The following TMEM127 variants were observed in gnomAD, a reference collection of about 807,000 sequenced individuals.
The protein encoded by TMEM127 is transmembrane protein 127.
TMEM127 carries 21 observed loss-of-function variants against 20.1 expected under a neutral mutation model. The ratio of observed to expected loss-of-function variants is 1.04; its 90% confidence interval spans 0.74 to 1.50. The LOEUF (loss-of-function observed/expected upper bound fraction) is 1.50, where lower values mean the gene tolerates loss of function less well. TMEM127 is among the 40% of genes most tolerant of loss of function. The pLI is 0.00. For synonymous variants in TMEM127, 150 were observed against 144.7 expected, an observed-to-expected ratio of 1.04 and a Z score of -0.26; for missense variants, 303 against 317.4, an observed-to-expected ratio of 0.95 and a Z score of 0.34.
Position 96,250,665 on chromosome 2 carries a change from T to C in TMEM127, c.*3143A>G, listed in dbSNP as rs977434820. On this transcript the variant is annotated 3_prime_UTR_variant, in exon 4 of 4. Transcript: ENST00000258439. ...AGAGCCCTCAGCTCTTTTACCGTGATGCACACTCGGGGCTGGGTGTAGGCT... is the reference window on the plus strand; with the variant it reads ...AGAGCCCTCAGCTCTTTTACCGTGACGCACACTCGGGGCTGGGTGTAGGCT... 1 of 233,102 alleles carries C rather than the reference T, an allele frequency of 4.3e-6. No individual in the cohort carries two copies. Among genetic ancestry groups the C allele is most frequent in the Middle Eastern group, 1.3e-3 (1 of 786 alleles). 14.4% of individuals were successfully genotyped at this position (233,102 alleles called of 1,614,324 possible). A position where few individuals can be genotyped will look rare whatever the true frequency, so the allele number is the denominator to read the frequency against.
intron 2 of TMEM127, among the ~76,000 whole-genome samples, chr2:96,258,367 C>G (rs1684251459): frequency 6.6e-6 from 1 of 152,216 alleles, no homozygotes; most frequent in Non-Finnish European, 1.5e-5. Flanking sequence ...CTCAGCCCAA[C>G]AGATGCCAGC....
At chr2:96,254,244 C>CA (rs1020288109) in intron 3 of TMEM127, 129 bp from the exon 4 acceptor site, 25 of 1,217,390 alleles carry the variant, frequency 2.1e-5, no homozygotes, top group Admixed American at 2.0e-5. Context: ...CCAGACTCTG[C>CA]AAGGAGGAGC....
At position 96,265,518 on chromosome 2, in the gene TMEM127, A is replaced by G. The variant is rs1684403091; in HGVS notation, c.-131-6T>C. 7 of 1,165,996 alleles carry G rather than the reference A, an allele frequency of 6.0e-6. 1 individual carries two copies. Among genetic ancestry groups the G allele is most frequent in the South Asian group, 6.6e-5 (2 of 30,346 alleles). 72.2% of individuals were successfully genotyped at this position (1,165,996 alleles called of 1,614,324 possible). ...CAGGTGAAGCCGGGACTGGGCTGTCAGGGTTGACACCAGAGGATAGGGGGG... is the reference window on the plus strand; with the variant it reads ...CAGGTGAAGCCGGGACTGGGCTGTCGGGGTTGACACCAGAGGATAGGGGGG... On this transcript the variant is annotated splice_polypyrimidine_tract_variant and splice_region_variant and intron_variant, in intron 1 of 3. Coordinates refer to ENST00000258439, the MANE Select transcript of TMEM127 (RefSeq NM_017849.4).
chr2:96,262,263 A>G (rs201251352), intron 2 of TMEM127, among the ~76,000 whole-genome samples: 9 of 71,850 alleles, frequency 1.3e-4, no homozygotes, highest in Non-Finnish European at 2.2e-4. Context: ...TGTCTCATTT[A>G]AAAAAAAAAA....
chr2:96,255,481 T>G (rs772078515), intron 2 of TMEM127, among the ~76,000 whole-genome samples: 9 of 152,328 alleles, frequency 5.9e-5, no homozygotes, highest in African/African-American at 1.9e-4. Context: ...GAAGATACTA[T>G]GCTAAGTGAA....
intron 2 of TMEM127, among the ~76,000 whole-genome samples, chr2:96,263,780 G>A (rs1255601825): frequency 3.9e-5 from 6 of 152,020 alleles, no homozygotes; most frequent in Non-Finnish European, 5.9e-5. Flanking sequence ...GCTAGATTTC[G>A]GAGATCTAGC....
At chr2:96,255,078 C>T in intron 2 of TMEM127, 81 bp from the exon 3 acceptor site, 3 of 1,571,232 alleles carry the variant, frequency 1.9e-6, no homozygotes, top group Non-Finnish European at 2.6e-6. Flanking sequence ...GTTTGATTCC[C>T]CTCCACCACA....
At chr2:96,259,645 A>G (rs1307088966) in intron 2 of TMEM127, among the ~76,000 whole-genome samples, 2 of 152,244 alleles carry the variant, frequency 1.3e-5, no homozygotes, top group East Asian at 3.8e-4. Context: ...AGCCTGCTCT[A>G]GGAAGTGGTC....
In TMEM127 at chr2:96,253,692, A is replaced by G; in HGVS notation, c.*116T>C. On this transcript the variant is annotated 3_prime_UTR_variant, in exon 4 of 4. Transcript: ENST00000258439. The surrounding 1 kb of genome is among the most constrained non-coding windows in gnomAD (Gnocchi z 4.3). ...AGAGTCTCTCCTGGGGAAGGTTTGG[A>G]GAAGATGGTCAGGATCCTACCAGTG... 1 of 1,177,906 alleles carries G rather than the reference A, an allele frequency of 8.5e-7. No individual in the cohort carries two copies. The highest frequency in any genetic ancestry group is 1.2e-6 in the Non-Finnish European group (1 of 846,652). The allele number at this position is 1,177,906 out of a possible 1,614,324, so 73.0% of individuals were successfully genotyped here.
chr2:96,265,534 G>A (rs1368012677), intron 1 of TMEM127, 22 bp from the exon 2 acceptor site: 9 of 1,053,214 alleles, frequency 8.5e-6, no homozygotes, highest in Non-Finnish European at 1.1e-5. Context: ...GACACCAGAG[G>A]ATAGGGGGGT....
intron 2 of TMEM127, among the ~76,000 whole-genome samples, chr2:96,262,894 A>T (rs566564772): frequency 2.0e-4 from 31 of 152,174 alleles, no homozygotes; most frequent in Non-Finnish European, 4.1e-4. Flanking sequence ...GGCCAGGCTG[A>T]TCTTGAACTC....
At position 96,254,975 on chromosome 2, in the gene TMEM127, T is replaced by C. The variant is rs773384410; in HGVS notation, c.267A>G (p.Thr89=). 2.0e-5 allele frequency: 33 copies of C among 1,614,064 alleles called. No homozygotes were observed. Among genetic ancestry groups the C allele is most frequent in the Middle Eastern group, 1.6e-4 (1 of 6,082 alleles). ...CGGCGATGACCCGCAGGAGCAGCACTGTCTGGGGATTCATGCAGAAATCTG... is the reference window on the plus strand; with the variant it reads ...CGGCGATGACCCGCAGGAGCAGCACCGTCTGGGGATTCATGCAGAAATCTG... ...LLKDFCMNPQ[T]VLLLRVIAAF... Residue 89 remains threonine, a synonymous_variant, in exon 3 of 4, where the codon ACA becomes ACG. Transcript: ENST00000258439.
At chr2:96,259,939 C>T (rs891013867) in intron 2 of TMEM127, among the ~76,000 whole-genome samples, 13 of 152,206 alleles carry the variant, frequency 8.5e-5, no homozygotes, top group African/African-American at 4.8e-5. Context: ...CTTGACCACA[C>T]GTCAGCCCGT....
intron 2 of TMEM127, among the ~76,000 whole-genome samples, chr2:96,264,027 C>G (rs144145722): frequency 6.6e-6 from 1 of 152,322 alleles, no homozygotes; most frequent in African/African-American, 2.4e-5. Context: ...CTGGAAACAA[C>G]CAGTTGTCCC....
Position 96,253,700 on chromosome 2 carries a change from G to T in TMEM127, c.*108C>A. 1 of 1,261,370 alleles carries T rather than the reference G, an allele frequency of 7.9e-7. No homozygotes were observed. Among genetic ancestry groups the T allele is most frequent in the Non-Finnish European group, 1.1e-6 (1 of 916,478 alleles). 78.1% of individuals were successfully genotyped at this position (1,261,370 alleles called of 1,614,324 possible). A position where few individuals can be genotyped will look rare whatever the true frequency, so the allele number is the denominator to read the frequency against. On this transcript the variant is annotated 3_prime_UTR_variant, in exon 4 of 4. Coordinates refer to ENST00000258439, the MANE Select transcript of TMEM127 (RefSeq NM_017849.4). This position sits in a 1 kb window ranked among gnomAD's most constrained non-coding sequence, Gnocchi z 4.3. ...TCCTGGGGAAGGTTTGGAGAAGATG[G>T]TCAGGATCCTACCAGTGAGGCCTGC...
At chr2:96,259,399 A>T (rs1684272080) in intron 2 of TMEM127, among the ~76,000 whole-genome samples, 1 of 152,210 alleles carries the variant, frequency 6.6e-6, no homozygotes, top group Non-Finnish European at 1.5e-5. Flanking sequence ...TTTTCCCTGG[A>T]GATAATCAAT....
chr2:96,265,060 C>T, intron 2 of TMEM127, 78 bp downstream of exon 2: 1 of 1,587,208 alleles, frequency 6.3e-7, no homozygotes, highest in South Asian at 1.1e-5. Flanking sequence ...AGTGTCTGGT[C>T]CCTGGCTATC....
intron 2 of TMEM127, among the ~76,000 whole-genome samples, chr2:96,261,579 A>G (rs1388705441): frequency 2.6e-5 from 4 of 152,244 alleles, no homozygotes; most frequent in African/African-American, 9.6e-5. Flanking sequence ...AGTTATGACA[A>G]AAAGCACAGC....
At position 96,249,057 on chromosome 2, in the gene TMEM127, A is replaced by G. The variant is rs1481464229; in HGVS notation, c.*4751T>C. The G allele has an allele frequency of 4.3e-6, 1 of 232,304 alleles. No homozygotes were observed. The highest frequency in any genetic ancestry group is 8.5e-6 in the Non-Finnish European group (1 of 117,958). 14.4% of individuals were successfully genotyped at this position (232,304 alleles called of 1,614,324 possible). A position where few individuals can be genotyped will look rare whatever the true frequency, so the allele number is the denominator to read the frequency against. On this transcript the variant is annotated 3_prime_UTR_variant, in exon 4 of 4. Coordinates refer to ENST00000258439, the MANE Select transcript of TMEM127 (RefSeq NM_017849.4). Reference sequence around the variant, plus strand: ...GCAAAAAAGCCAAGAATTTTCCCCAAAGCTTATGGTGAGGAACCTGTGTGT... The same window carrying G: ...GCAAAAAAGCCAAGAATTTTCCCCAGAGCTTATGGTGAGGAACCTGTGTGT...
Sources: gnomAD v4.1 joint callset for allele counts (sites outside exome capture counted in the v4.1 genomes callset) on GRCh38, gnomAD v4.1.1 for gene constraint, Gnocchi (gnomAD v3.1) non-coding constraint, MANE v1.5 for transcripts, NCBI Gene and HGNC (gene_info 2026-07-23, HGNC 2026-07-21) for gene names.